MLLT3: variants seen among roughly 807,000 people sequenced by gnomAD.
MLLT3 encodes protein AF-9.
MLLT3 carries 4 observed loss-of-function variants against 53.2 expected under a neutral mutation model. The observed-to-expected ratio is 0.08, with a 90% CI of 0.04 to 0.17. MLLT3 has a LOEUF of 0.17. Ranked by LOEUF, MLLT3 falls within the 10% of genes least tolerant of loss-of-function variation. MLLT3 has a pLI of 1.00. For synonymous variants in MLLT3, 283 were observed against 230.6 expected (o/e 1.23, Z -2.06); for missense variants, 569 against 684.0 (o/e 0.83, Z 1.87).
At chr9:20,458,397 G>A (rs1297977288) in intron 2 of MLLT3, among the ~76,000 whole-genome samples, 2 of 152,154 alleles carry the variant, frequency 1.3e-5, no homozygotes, top group African/African-American at 4.8e-5. Context: ...CAGACTAGGC[G>A]AGCTACCTCT....
At chr9:20,440,955 A>G (rs558159925) in intron 4 of MLLT3, among the ~76,000 whole-genome samples, 10 of 152,300 alleles carry the variant, frequency 6.6e-5, no homozygotes, top group African/African-American at 2.2e-4. Flanking sequence ...TCGTACATAC[A>G]GTCAGCTAAA....
chr9:20,438,760 C>T (rs891095520), intron 4 of MLLT3, among the ~76,000 whole-genome samples: 1 of 152,014 alleles, frequency 6.6e-6, no homozygotes, highest in East Asian at 1.9e-4. Flanking sequence ...GGTCACCATA[C>T]GCATGGACTT....
At chr9:20,393,129 T>C (rs1822230034) in intron 5 of MLLT3, among the ~76,000 whole-genome samples, 1 of 152,066 alleles carries the variant, frequency 6.6e-6, no homozygotes. Context: ...CACTCCAGCC[T>C]GGGCAACAAG....
Position 20,622,225 on chromosome 9 carries a change from T to A in MLLT3, c.12+20A>T. The A allele has an allele frequency of 1.2e-6, 2 of 1,602,662 alleles. No homozygotes were observed. Among genetic ancestry groups the A allele is most frequent in the Non-Finnish European group, 1.7e-6 (2 of 1,173,608 alleles). On this transcript the variant is annotated intron_variant, in intron 1 of 10. Transcript: ENST00000380338. The stretch of plus-strand genomic sequence containing the variant: ...GGAAAGTGGGGGAGGGCTTTTATTA[T>A]TATTTTTGCGCGTACTTACCGAGCT...
intron 5 of MLLT3, among the ~76,000 whole-genome samples, chr9:20,370,263 T>C (rs961308969): frequency 2.0e-5 from 3 of 152,204 alleles, no homozygotes; most frequent in Admixed American, 6.5e-5. Flanking sequence ...ATACCTGTTA[T>C]GGTGATCTGA....
intron 3 of MLLT3, among the ~76,000 whole-genome samples, chr9:20,450,868 T>C (rs1823823337): frequency 6.6e-6 from 1 of 152,236 alleles, no homozygotes; most frequent in East Asian, 1.9e-4. Context: ...TTTTCTGCCA[T>C]GTAACTGGGA....
At position 20,491,046 on chromosome 9, in the gene MLLT3, A is replaced by G. The variant is rs1206272506; in HGVS notation, c.194-34260T>C. ...AGAAAACTTTAAATGGTTTAAAATG[A>G]AAAGGTTCTCTAAATCAGAGGGGTA... On this transcript the variant is annotated intron_variant, in intron 2 of 10. Coordinates refer to ENST00000380338, the MANE Select transcript of MLLT3 (RefSeq NM_004529.4). Among the ~76,000 whole-genome samples, 9 of 152,190 alleles carry G rather than the reference A, an allele frequency of 5.9e-5. No homozygotes were observed. The East Asian group carries it at 1.5e-3, about 26-fold the overall frequency.
chr9:20,477,778 T>C (rs1425289760), intron 2 of MLLT3, among the ~76,000 whole-genome samples: 1 of 152,076 alleles, frequency 6.6e-6, no homozygotes, highest in Admixed American at 6.6e-5. Flanking sequence ...CCCAATGGTA[T>C]GAGTTATTTT....
chr9:20,586,856 G>C (rs140965276), intron 2 of MLLT3, among the ~76,000 whole-genome samples: 8 of 152,124 alleles, frequency 5.3e-5, no homozygotes, highest in Non-Finnish European at 1.2e-4. Flanking sequence ...GAGTAAGAAA[G>C]AACTATTCCT....
chr9:20,617,638 T>C (rs1305656960), intron 2 of MLLT3, among the ~76,000 whole-genome samples: 4 of 152,330 alleles, frequency 2.6e-5, no homozygotes, highest in Non-Finnish European at 4.4e-5. Context: ...TTGGTACTAA[T>C]AAATAAGATA....
chr9:20,360,599 C>T (rs1355221979), intron 8 of MLLT3, 143 bp downstream of exon 8: 9 of 669,422 alleles, frequency 1.3e-5, no homozygotes, highest in Non-Finnish European at 2.4e-5. Context: ...TGTGTTTATT[C>T]CACAGGCTGT....
intron 2 of MLLT3, among the ~76,000 whole-genome samples, chr9:20,485,161 G>T (rs553422304): frequency 6.6e-6 from 1 of 151,802 alleles, no homozygotes; most frequent in African/African-American, 2.4e-5. Context: ...GCTAATTTTT[G>T]TATTTTCAGT....
intron 2 of MLLT3, among the ~76,000 whole-genome samples, chr9:20,619,893 C>T (rs1820947779): frequency 6.6e-6 from 1 of 152,204 alleles, no homozygotes; most frequent in South Asian, 2.1e-4. Flanking sequence ...AAAAGGCTTC[C>T]TCCACATCGT....
rs183666425 is a variant in MLLT3 at position 20,597,346 on chromosome 9, G to A, written c.193+23308C>T. 3.6e-3 allele frequency among the ~76,000 whole-genome samples: 545 copies of A among 150,864 alleles called. 8 individuals are homozygous for A. Among genetic ancestry groups the A allele is most frequent in the African/African-American group, 0.013 (525 of 40,874 alleles). ...TTATTTAATACCACTTATGTGCAAA[G>A]GTCTGAGTAACACAGTGACTTAAAA... On this transcript the variant is annotated intron_variant, in intron 2 of 10. Transcript: ENST00000380338.
At chr9:20,486,524 C>T (rs1452778862) in intron 2 of MLLT3, among the ~76,000 whole-genome samples, 2 of 152,142 alleles carry the variant, frequency 1.3e-5, no homozygotes, top group East Asian at 1.9e-4. Flanking sequence ...TTAAAGCATA[C>T]TAACTGGCAA....
chr9:20,356,675 G>T (rs567778508), intron 8 of MLLT3, among the ~76,000 whole-genome samples: 1 of 152,180 alleles, frequency 6.6e-6, no homozygotes, highest in South Asian at 2.1e-4. Context: ...CTGTACTCTG[G>T]GTGTTGAAGT....
chr9:20,542,311 C>T lies in MLLT3; in HGVS notation c.193+78343G>A, dbSNP rs559363381. Among the ~76,000 whole-genome samples the T allele has an allele frequency of 8.9e-5, 13 of 145,560 alleles. No individual in the cohort carries two copies. In the East Asian group the frequency reaches 1.2e-3, roughly 14 times the overall value. Reference sequence around the variant, plus strand: ...CAGGCCGGACTGCGGACCGCAGTGGCGCAATCTCGGCTCACTGAAAGCTCC... The same window carrying T: ...CAGGCCGGACTGCGGACCGCAGTGGTGCAATCTCGGCTCACTGAAAGCTCC... On this transcript the variant is annotated intron_variant, in intron 2 of 10. Transcript: ENST00000380338.
chr9:20,397,392 C>T (rs905970703), intron 5 of MLLT3, among the ~76,000 whole-genome samples: 1 of 152,072 alleles, frequency 6.6e-6, no homozygotes, highest in African/African-American at 2.4e-5. Context: ...AGCAGAAGTA[C>T]ACAGTATAAG....
intron 2 of MLLT3, among the ~76,000 whole-genome samples, chr9:20,463,314 A>G (rs1824158850): frequency 6.6e-6 from 1 of 152,098 alleles, no homozygotes; most frequent in Non-Finnish European, 1.5e-5. Context: ...TAACATACGC[A>G]CAACATTTTC....
Sources: gnomAD v4.1 joint callset for allele counts (sites outside exome capture counted in the v4.1 genomes callset) on GRCh38, gnomAD v4.1.1 for gene constraint, MANE v1.5 for transcripts, NCBI Gene and HGNC (gene_info 2026-07-23, HGNC 2026-07-21) for gene names.